NFIA: variants seen among roughly 807,000 people sequenced by gnomAD.
NFIA encodes nuclear factor 1 A-type.
A neutral mutation model predicts 62.8 loss-of-function variants in NFIA; 8 were observed. That is an observed-to-expected ratio of 0.13 (90% CI 0.07 to 0.23). The LOEUF is 0.23. Ranked by LOEUF, NFIA falls within the 10% of genes least tolerant of loss-of-function variation. The pLI is 1.00. For missense variants in NFIA, 410 were observed against 642.1 expected, an observed-to-expected ratio of 0.64 and a Z score of 3.91; for synonymous variants, 235 against 238.1, an observed-to-expected ratio of 0.99 and a Z score of 0.12.
At chr1:61,209,597 G>C (rs1426256123) in intron 2 of NFIA, among the ~76,000 whole-genome samples, 1 of 152,014 alleles carries the variant, frequency 6.6e-6, no homozygotes, top group Admixed American at 6.6e-5. Flanking sequence ...GCTGAGGCGG[G>C]TGGATCACCT....
intron 2 of NFIA, among the ~76,000 whole-genome samples, chr1:61,151,650 A>T (rs1412046818): frequency 6.6e-6 from 1 of 152,154 alleles, no homozygotes; most frequent in Non-Finnish European, 1.5e-5. Context: ...ACAGCCCTGG[A>T]ACTCAGAGCA....
chr1:61,447,478 T>C (rs1172842812), intron 10 of NFIA, among the ~76,000 whole-genome samples: 1 of 152,164 alleles, frequency 6.6e-6, no homozygotes, highest in Non-Finnish European at 1.5e-5. Context: ...GAGGCCCAAG[T>C]TGAAAAATAA....
At chr1:61,192,703 CAA>C (rs55868819) in intron 2 of NFIA, among the ~76,000 whole-genome samples, 3 of 135,900 alleles carry the variant, frequency 2.2e-5, no homozygotes, top group Non-Finnish European at 3.3e-5. Flanking sequence ...ACTCTTGTCT[CAA>C]AAAAAAAAAG....
At chr1:61,346,829 A>G (rs114335408) in intron 4 of NFIA, among the ~76,000 whole-genome samples, 5,222 of 152,292 alleles carry the variant, frequency 0.034, 316 homozygotes, top group African/African-American at 0.12. Flanking sequence ...ACAGTTCTAC[A>G]TGGCTGGGAA....
intron 2 of NFIA, among the ~76,000 whole-genome samples, chr1:61,245,596 T>C: frequency 6.6e-6 from 1 of 152,190 alleles, no homozygotes; most frequent in Non-Finnish European, 1.5e-5. Flanking sequence ...GATCTCATTA[T>C]ATTCTACAAA....
intron 2 of NFIA, among the ~76,000 whole-genome samples, chr1:61,273,557 A>AGTG (rs765425784): frequency 2.6e-4 from 40 of 152,330 alleles, no homozygotes; most frequent in South Asian, 6.2e-4. Context: ...AGTCACTGAC[A>AGTG]GTGGTTCAGT....
intron 2 of NFIA, among the ~76,000 whole-genome samples, chr1:61,215,486 G>T (rs1653557024): frequency 1.3e-5 from 2 of 151,542 alleles, no homozygotes; most frequent in Admixed American, 6.6e-5. Flanking sequence ...GTAAAAGACT[G>T]GTTAAAAAAT....
chr1:61,199,572 A>G (rs767754256), intron 2 of NFIA, among the ~76,000 whole-genome samples: 1 of 152,128 alleles, frequency 6.6e-6, no homozygotes, highest in Non-Finnish European at 1.5e-5. Context: ...TATATACTAC[A>G]TTGCTTCCTT....
chr1:61,352,740 A>G (rs1265873147), intron 5 of NFIA, among the ~76,000 whole-genome samples, 173 bp downstream of exon 5: 1 of 140,668 alleles, frequency 7.1e-6, no homozygotes, highest in Non-Finnish European at 1.5e-5. Context: ...GCAAATATGC[A>G]TGTGGCAAGA....
At chr1:61,143,011 G>A (rs1478827767) in intron 2 of NFIA, among the ~76,000 whole-genome samples, 1 of 152,176 alleles carries the variant, frequency 6.6e-6, no homozygotes, top group Non-Finnish European at 1.5e-5. Flanking sequence ...CCTCAGAGAG[G>A]AGGAACACCT....
chr1:61,330,120 A>AAATGGAT (rs1459062956), intron 3 of NFIA, among the ~76,000 whole-genome samples: 2 of 152,180 alleles, frequency 1.3e-5, no homozygotes, highest in Admixed American at 1.3e-4. Flanking sequence ...GTGCAGTAGA[A>AAATGGAT]AATGGATTCG....
chr1:61,197,973 CTA>C (rs1652153942), intron 2 of NFIA, among the ~76,000 whole-genome samples: 1 of 151,496 alleles, frequency 6.6e-6, no homozygotes, highest in South Asian at 2.1e-4. Flanking sequence ...AAGAATGAAA[CTA>C]TGCAAGAAAG....
intron 2 of NFIA, among the ~76,000 whole-genome samples, chr1:61,097,004 A>G (rs995550082): frequency 6.6e-6 from 1 of 152,246 alleles, no homozygotes; most frequent in Non-Finnish European, 1.5e-5. Flanking sequence ...TAATTTAAAA[A>G]TAAGCAGCTG....
chr1:61,432,304 G>A (rs1667131624), intron 10 of NFIA, among the ~76,000 whole-genome samples: 1 of 150,084 alleles, frequency 6.7e-6, no homozygotes, highest in African/African-American at 2.5e-5. Context: ...TGTCTTCCCT[G>A]GACCAGATAA....
rs11811910 is a variant in NFIA, at chr1:61,358,942, C to T, written c.819-205C>T. Among the ~76,000 whole-genome samples, 394 of 152,268 alleles carry T rather than the reference C, an allele frequency of 2.6e-3. 3 individuals are homozygous for T. Among genetic ancestry groups the T allele is most frequent in the African/African-American group, 9.1e-3 (379 of 41,550 alleles). ...AACTTGATTGACAATAAAAATCAAA[C>T]TCAGACACTTGGAACAACACAGACC... On this transcript the variant is annotated intron_variant, in intron 5 of 10. Coordinates refer to ENST00000403491, the MANE Select transcript of NFIA (RefSeq NM_001134673.4).
chr1:61,326,769 G>A (rs991289757), intron 3 of NFIA, among the ~76,000 whole-genome samples: 1 of 152,180 alleles, frequency 6.6e-6, no homozygotes, highest in Non-Finnish European at 1.5e-5. Context: ...TGACAACAAA[G>A]CTGAGTTCTA....
chr1:61,202,444 A>G (rs903493879), intron 2 of NFIA, among the ~76,000 whole-genome samples: 3 of 152,214 alleles, frequency 2.0e-5, no homozygotes, highest in Admixed American at 6.5e-5. Flanking sequence ...TGATCCTCAC[A>G]AGGTACATTT....
At chr1:61,269,380 T>G (rs113393490) in intron 2 of NFIA, among the ~76,000 whole-genome samples, 71 of 152,234 alleles carry the variant, frequency 4.7e-4, no homozygotes, top group Non-Finnish European at 6.6e-4. Context: ...GCAAATATTT[T>G]ATTGATCAGT....
intron 2 of NFIA, among the ~76,000 whole-genome samples, chr1:61,146,501 A>C (rs1314462165): frequency 1.3e-5 from 2 of 152,172 alleles, no homozygotes; most frequent in African/African-American, 2.4e-5. Flanking sequence ...GGCAGAGCCT[A>C]ATTATATGTG....
Sources: allele counts gnomAD v4.1 joint callset (sites outside exome capture counted in the v4.1 genomes callset), GRCh38; gene constraint gnomAD v4.1.1; transcripts MANE v1.5; gene names NCBI Gene and HGNC (gene_info 2026-07-23, HGNC 2026-07-21).